CTNNA3: variants seen among roughly 807,000 people sequenced by gnomAD.
CTNNA3 encodes the protein catenin alpha-3.
CTNNA3 carries 76 observed loss-of-function variants against 95.7 expected under a neutral mutation model. The observed-to-expected ratio is 0.79, with a 90% CI of 0.66 to 0.96. The LOEUF (loss-of-function observed/expected upper bound fraction) is 0.96, where lower values mean the gene tolerates loss of function less well. Ranked by LOEUF, CTNNA3 falls within the 40% of genes least tolerant of loss-of-function variation. CTNNA3 has a pLI of 0.00. For synonymous variants in CTNNA3, 431 were observed against 374.4 expected, an observed-to-expected ratio of 1.15 and a Z score of -1.74; for missense variants, 1,191 against 1,089.8, an observed-to-expected ratio of 1.09 and a Z score of -1.31.
chr10:66,107,290 C>T (rs2081950764), intron 13 of CTNNA3, among the ~76,000 whole-genome samples: 1 of 152,022 alleles, frequency 6.6e-6, no homozygotes. Flanking sequence ...TGGTGTCTTC[C>T]TTAGGCAGCC....
At chr10:67,534,545 A>G (rs533990747) in intron 4 of CTNNA3, among the ~76,000 whole-genome samples, 1 of 152,288 alleles carries the variant, frequency 6.6e-6, no homozygotes, top group Admixed American at 6.5e-5. Flanking sequence ...CGAACATACA[A>G]ATTGAAGCCC....
chr10:67,725,953 TATATATA>T (rs1331697382), intron 1 of CTNNA3, among the ~76,000 whole-genome samples: 2 of 127,128 alleles, frequency 1.6e-5, no homozygotes, highest in Admixed American at 8.4e-5. Context: ...TTAGTATATG[TATATATA>T]ATATATATGT....
intron 4 of CTNNA3, among the ~76,000 whole-genome samples, chr10:67,533,380 GA>G (rs1322937835): frequency 6.6e-6 from 1 of 150,448 alleles, no homozygotes. Flanking sequence ...ATCCTAAGAA[GA>G]ACAAATAGTA....
chr10:67,290,329 CACAA>C (rs1839785021), intron 5 of CTNNA3, among the ~76,000 whole-genome samples: 1 of 152,124 alleles, frequency 6.6e-6, no homozygotes, highest in African/African-American at 2.4e-5. Flanking sequence ...ACAAATTAAT[CACAA>C]ACATTCATGA....
chr10:67,450,687 C>CTTAA (rs1846946674), intron 5 of CTNNA3, among the ~76,000 whole-genome samples: 1 of 151,806 alleles, frequency 6.6e-6, no homozygotes, highest in Non-Finnish European at 1.5e-5. Flanking sequence ...GGGTACTAGG[C>CTTAA]TTAATACCTG....
intron 9 of CTNNA3, among the ~76,000 whole-genome samples, chr10:66,714,375 T>C (rs183976415): frequency 6.6e-6 from 1 of 152,240 alleles, no homozygotes; most frequent in Admixed American, 6.5e-5. Context: ...CTTTCATACA[T>C]TCAAAAACAA....
intron 5 of CTNNA3, among the ~76,000 whole-genome samples, chr10:67,376,644 C>T (rs1186239249): frequency 6.6e-6 from 1 of 152,134 alleles, no homozygotes; most frequent in Non-Finnish European, 1.5e-5. Flanking sequence ...TTATGTTATG[C>T]TATGGTTAGA....
chr10:66,833,783 G>A (rs1166262804), intron 7 of CTNNA3, among the ~76,000 whole-genome samples: 1 of 152,116 alleles, frequency 6.6e-6, no homozygotes, highest in African/African-American at 2.4e-5. Context: ...GCCCAACAGG[G>A]AGAGAAAGGC....
intron 13 of CTNNA3, among the ~76,000 whole-genome samples, chr10:66,205,685 T>C: frequency 6.6e-6 from 1 of 152,078 alleles, no homozygotes; most frequent in Middle Eastern, 3.4e-3. Flanking sequence ...ACTTTAAAAT[T>C]TGGTAAATGT....
intron 4 of CTNNA3, among the ~76,000 whole-genome samples, 188 bp downstream of exon 4, chr10:67,539,315 T>C (rs1337506636): frequency 1.3e-5 from 2 of 152,216 alleles, no homozygotes; most frequent in Non-Finnish European, 2.9e-5. Context: ...CCATTGGCTT[T>C]AGAACTACTC....
intron 13 of CTNNA3, among the ~76,000 whole-genome samples, chr10:66,136,182 G>A (rs777272430): frequency 3.9e-5 from 6 of 152,168 alleles, no homozygotes; most frequent in Non-Finnish European, 5.9e-5. Flanking sequence ...GATTACAGGC[G>A]TGAGCCACCG....
At chr10:67,239,097 C>G (rs187415491) in intron 5 of CTNNA3, among the ~76,000 whole-genome samples, 50 of 152,252 alleles carry the variant, frequency 3.3e-4, no homozygotes, top group Admixed American at 2.4e-3. Flanking sequence ...CAAAATTAAA[C>G]TATAACTATC....
At chr10:67,574,186 C>G (rs1256990782) in intron 3 of CTNNA3, among the ~76,000 whole-genome samples, 1 of 152,166 alleles carries the variant, frequency 6.6e-6, no homozygotes, top group Non-Finnish European at 1.5e-5. Flanking sequence ...TGCTTCCAGT[C>G]CCACAATCTG....
At chr10:67,645,562 T>C (rs1374955781) in intron 2 of CTNNA3, among the ~76,000 whole-genome samples, 1 of 152,196 alleles carries the variant, frequency 6.6e-6, no homozygotes, top group African/African-American at 2.4e-5. Context: ...TGAGAACTCA[T>C]TTAAAACTGT....
intron 5 of CTNNA3, among the ~76,000 whole-genome samples, chr10:67,431,642 T>G (rs1241135437): frequency 6.6e-6 from 1 of 151,896 alleles, no homozygotes; most frequent in Admixed American, 6.6e-5. Flanking sequence ...TAACCCAAAA[T>G]GGACTCTGGG....
intron 9 of CTNNA3, among the ~76,000 whole-genome samples, chr10:66,647,398 G>A (rs1845743008): frequency 6.6e-6 from 1 of 152,134 alleles, no homozygotes; most frequent in Non-Finnish European, 1.5e-5. Context: ...AGGCAGGCTG[G>A]AGTTATTAAT....
At position 66,904,134 on chromosome 10, in the gene CTNNA3, A is replaced by G. The variant is rs900928466; in HGVS notation, c.1048-128610T>C. ...TGACTTCAAACTATACTACAAGGCA[A>G]CAGTAACCAAAACAGCATGGTACTG... is the stretch of plus-strand genomic sequence containing the variant. On this transcript the variant is annotated intron_variant, in intron 7 of 17. Transcript: ENST00000433211. Among the ~76,000 whole-genome samples, 4 of 152,354 alleles carry G rather than the reference A, an allele frequency of 2.6e-5. No individual in the cohort carries two copies. In the East Asian group the frequency reaches 7.7e-4, roughly 29 times the overall value.
At chr10:67,554,497 C>G (rs938153507) in intron 3 of CTNNA3, among the ~76,000 whole-genome samples, 2 of 152,214 alleles carry the variant, frequency 1.3e-5, no homozygotes, top group East Asian at 1.9e-4. Context: ...TTGCATTTCT[C>G]TGATGGCCAG....
intron 7 of CTNNA3, among the ~76,000 whole-genome samples, chr10:67,120,377 T>C (rs989510073): frequency 1.6e-4 from 24 of 151,918 alleles, no homozygotes; most frequent in Admixed American, 6.6e-5. Context: ...TGAAGCAAGA[T>C]ATATATATTG....
Sources: allele counts gnomAD v4.1 joint callset (sites outside exome capture counted in the v4.1 genomes callset), GRCh38; gene constraint gnomAD v4.1.1; transcripts MANE v1.5; gene names NCBI Gene and HGNC (gene_info 2026-07-23, HGNC 2026-07-21).